Variants in GPC5 observed in about 807,000 individuals in gnomAD.
The protein encoded by GPC5 is glypican 5, also known as glypican-5.
Under a neutral mutation model 53.9 loss-of-function variants are expected in GPC5, and 47 were observed. That is an observed-to-expected ratio of 0.87 (90% CI 0.69 to 1.11). The LOEUF is 1.11. GPC5 is among the 50% of genes most tolerant of loss of function. The pLI, the probability that GPC5 is intolerant of heterozygous loss-of-function variation, is 0.00. For missense variants in GPC5, 748 were observed against 713.1 expected (o/e 1.05, Z -0.56); for synonymous variants, 286 against 263.3 (o/e 1.09, Z -0.84).
intron 2 of GPC5, among the ~76,000 whole-genome samples, chr13:91,536,335 C>T (rs181081089): frequency 1.3e-5 from 2 of 152,300 alleles, no homozygotes; most frequent in Non-Finnish European, 2.9e-5. Flanking sequence ...TTGTGAACTT[C>T]CCCTAGTGTC....
At chr13:91,792,871 G>A (rs537741034) in intron 5 of GPC5, among the ~76,000 whole-genome samples, 80 of 152,240 alleles carry the variant, frequency 5.3e-4, no homozygotes, top group East Asian at 9.7e-4. Context: ...TGTGGTTGCC[G>A]CGTGAGTCTC....
At chr13:92,718,895 C>CAA (rs113129932) in intron 7 of GPC5, among the ~76,000 whole-genome samples, 8,744 of 102,782 alleles carry the variant, frequency 0.085, 558 homozygotes, top group East Asian at 0.3. Context: ...CGTCCCCCCA[C>CAA]AAAAAAAAAA....
At chr13:92,530,282 A>C (rs1421650792) in intron 7 of GPC5, among the ~76,000 whole-genome samples, 1 of 152,194 alleles carries the variant, frequency 6.6e-6, no homozygotes, top group Non-Finnish European at 1.5e-5. Context: ...ATCACGCATT[A>C]GTTCAATTTA....
chr13:91,564,172 T>C (rs990573621), intron 2 of GPC5, among the ~76,000 whole-genome samples: 1 of 152,206 alleles, frequency 6.6e-6, no homozygotes, highest in African/African-American at 2.4e-5. Context: ...TTTGAATGAA[T>C]TTGGCCACCT....
At chr13:92,087,639 C>A (rs545400033) in intron 6 of GPC5, among the ~76,000 whole-genome samples, 1 of 152,162 alleles carries the variant, frequency 6.6e-6, no homozygotes, top group African/African-American at 2.4e-5. Flanking sequence ...GATGAGTGAT[C>A]CTTCCTCTTA....
intron 7 of GPC5, among the ~76,000 whole-genome samples, chr13:92,815,437 G>T (rs1479198994): frequency 2.0e-5 from 3 of 151,988 alleles, no homozygotes; most frequent in African/African-American, 7.3e-5. Flanking sequence ...AGAGCGAGGG[G>T]TCAACGTGGA....
rs150352437 is a variant in GPC5 at position 92,796,356 on chromosome 13, C to T, written c.1562-69926C>T. ...GGAGGGGAACATCACACACCGGGGCCTTTCAGGGGTGGAGGCCTGAGGGAG... is the reference window on the plus strand; with the variant it reads ...GGAGGGGAACATCACACACCGGGGCTTTTCAGGGGTGGAGGCCTGAGGGAG... On this transcript the variant is annotated intron_variant, in intron 7 of 7. Transcript: ENST00000377067. 2.9e-3 allele frequency among the ~76,000 whole-genome samples: 448 copies of T among 152,036 alleles called. 3 individuals carry two copies. The highest frequency in any genetic ancestry group is 1.0e-2 in the African/African-American group (414 of 41,502).
intron 7 of GPC5, among the ~76,000 whole-genome samples, chr13:92,799,868 G>A (rs1419110005): frequency 6.6e-6 from 1 of 151,740 alleles, no homozygotes; most frequent in Non-Finnish European, 1.5e-5. Flanking sequence ...AAGGAAGAGG[G>A]AAGAACACAA....
At chr13:92,329,400 A>G (rs537898355) in intron 7 of GPC5, among the ~76,000 whole-genome samples, 1 of 152,224 alleles carries the variant, frequency 6.6e-6, no homozygotes, top group South Asian at 2.1e-4. Context: ...ACATGATCTA[A>G]TGGAGTGAGA....
At chr13:91,836,698 T>TC (rs2038726141) in intron 5 of GPC5, among the ~76,000 whole-genome samples, 1 of 151,970 alleles carries the variant, frequency 6.6e-6, no homozygotes, top group Admixed American at 6.6e-5. Context: ...AAATACCTTT[T>TC]CTGTTCATAT....
chr13:92,114,072 T>C (rs2041580295), intron 6 of GPC5, among the ~76,000 whole-genome samples: 1 of 152,216 alleles, frequency 6.6e-6, no homozygotes, highest in South Asian at 2.1e-4. Flanking sequence ...TGCTCCTTTA[T>C]GTCAAGTAGC....
At chr13:91,715,992 T>G (rs2036329850) in intron 3 of GPC5, among the ~76,000 whole-genome samples, 1 of 152,174 alleles carries the variant, frequency 6.6e-6, no homozygotes. Flanking sequence ...TATCCCAGGC[T>G]AATCTTGAAC....
At chr13:92,656,488 G>A (rs1313804886) in intron 7 of GPC5, among the ~76,000 whole-genome samples, 1 of 152,132 alleles carries the variant, frequency 6.6e-6, no homozygotes, top group Non-Finnish European at 1.5e-5. Context: ...AAGATGAAGG[G>A]CAGGGCCCAG....
chr13:91,590,120 T>C (rs1433836721), intron 2 of GPC5, among the ~76,000 whole-genome samples: 1 of 151,748 alleles, frequency 6.6e-6, no homozygotes, highest in Non-Finnish European at 1.5e-5. Flanking sequence ...ATTTGCGTTA[T>C]AGGCATACTT....
chr13:92,401,529 G>C (rs546577080), intron 7 of GPC5, among the ~76,000 whole-genome samples: 87 of 152,054 alleles, frequency 5.7e-4, no homozygotes, highest in Admixed American at 1.5e-3. Context: ...CGTAAAAATA[G>C]AAAAATTTGA....
intron 7 of GPC5, among the ~76,000 whole-genome samples, chr13:92,840,098 TATATATA>T (rs1566440597): frequency 1.3e-5 from 1 of 77,866 alleles, no homozygotes; most frequent in East Asian, 6.0e-4. Context: ...TATATATATA[TATATATA>T]TATATATATA....
intron 2 of GPC5, among the ~76,000 whole-genome samples, chr13:91,677,055 TAAC>T (rs1302994332): frequency 6.6e-6 from 1 of 152,172 alleles, no homozygotes; most frequent in Non-Finnish European, 1.5e-5. Context: ...AGTGCAGTAA[TAAC>T]AAGTGTGGAC....
At chr13:91,987,801 A>G (rs1594708035) in intron 6 of GPC5, among the ~76,000 whole-genome samples, 1 of 145,394 alleles carries the variant, frequency 6.9e-6, no homozygotes, top group Admixed American at 7.0e-5. Flanking sequence ...TATATTATGT[A>G]TAAATACCAT....
At chr13:92,637,838 A>G (rs1011973397) in intron 7 of GPC5, among the ~76,000 whole-genome samples, 6 of 152,230 alleles carry the variant, frequency 3.9e-5, no homozygotes, top group African/African-American at 1.2e-4. Flanking sequence ...AGATAATGAC[A>G]TTAAAACAGG....
Sources: allele counts gnomAD v4.1 joint callset (sites outside exome capture counted in the v4.1 genomes callset), GRCh38; gene constraint gnomAD v4.1.1; transcripts MANE v1.5; gene names NCBI Gene and HGNC (gene_info 2026-07-23, HGNC 2026-07-21).